CDK14: variants seen among roughly 807,000 people sequenced by gnomAD.
CDK14 encodes cyclin-dependent kinase 14.
A neutral mutation model predicts 60.7 loss-of-function variants in CDK14; 34 were observed. The observed-to-expected ratio is 0.56, with a 90% CI of 0.43 to 0.75. The LOEUF is 0.75. CDK14 is among the 30% of genes least tolerant of loss of function. The pLI is 0.00. For synonymous variants in CDK14, 197 were observed against 203.7 expected (o/e 0.97, Z 0.28); for missense variants, 482 against 564.1 (o/e 0.85, Z 1.47).
At chr7:91,044,315 A>C (rs1173404989) in intron 10 of CDK14, among the ~76,000 whole-genome samples, 1 of 152,226 alleles carries the variant, frequency 6.6e-6, no homozygotes, top group Non-Finnish European at 1.5e-5. Flanking sequence ...TATTACCTAA[A>C]GACCTGGAAT....
intron 14 of CDK14, among the ~76,000 whole-genome samples, chr7:91,137,905 T>C (rs1271436403): frequency 6.6e-6 from 1 of 152,154 alleles, no homozygotes; most frequent in Admixed American, 6.6e-5. Context: ...CTCCAGATAA[T>C]TGAGCTAATT....
chr7:90,798,801 C>T (rs575262112), intron 5 of CDK14, among the ~76,000 whole-genome samples: 32 of 152,230 alleles, frequency 2.1e-4, no homozygotes, highest in Admixed American at 1.3e-4. Flanking sequence ...CAAGTTCAGG[C>T]GCTTTGAAAC....
chr7:90,963,206 A>G (rs1416355027), intron 9 of CDK14, among the ~76,000 whole-genome samples: 1 of 151,414 alleles, frequency 6.6e-6, no homozygotes, highest in Non-Finnish European at 1.5e-5. Context: ...GGAGGATGGC[A>G]TGAGGCTAGG....
intron 10 of CDK14, among the ~76,000 whole-genome samples, chr7:91,003,420 C>T (rs896970184): frequency 1.3e-5 from 2 of 152,102 alleles, no homozygotes; most frequent in African/African-American, 4.8e-5. Flanking sequence ...TGTTAGCTAG[C>T]GTATTGGTTT....
chr7:90,903,103 T>C (rs988282768), intron 7 of CDK14, among the ~76,000 whole-genome samples: 3 of 152,114 alleles, frequency 2.0e-5, no homozygotes, highest in African/African-American at 7.2e-5. Flanking sequence ...TTACTGAAGA[T>C]GTGGAGAAAA....
At chr7:90,929,841 C>T (rs979940457) in intron 8 of CDK14, among the ~76,000 whole-genome samples, 1 of 152,132 alleles carries the variant, frequency 6.6e-6, no homozygotes, top group Non-Finnish European at 1.5e-5. Flanking sequence ...CATAATTACA[C>T]CTTAGTGTAT....
chr7:90,760,813 G>A (rs919879755), intron 4 of CDK14, among the ~76,000 whole-genome samples: 10 of 152,166 alleles, frequency 6.6e-5, no homozygotes, highest in African/African-American at 2.4e-4. Context: ...TCACAATATG[G>A]GATTTTCCGA....
intron 5 of CDK14, among the ~76,000 whole-genome samples, chr7:90,827,008 A>G (rs1197213670): frequency 2.0e-5 from 3 of 152,056 alleles, no homozygotes; most frequent in Non-Finnish European, 4.4e-5. Context: ...GCAGATATAT[A>G]ATATCTGCAT....
At chr7:90,637,440 C>T (rs1407372305) in intron 2 of CDK14, among the ~76,000 whole-genome samples, 53 of 151,786 alleles carry the variant, frequency 3.5e-4, no homozygotes, top group African/African-American at 1.0e-3. Flanking sequence ...TGTAGTTGAG[C>T]GGTTTTGAGT....
chr7:90,676,674 A>G (rs1034879262), intron 2 of CDK14, among the ~76,000 whole-genome samples: 2 of 151,934 alleles, frequency 1.3e-5, no homozygotes, highest in Non-Finnish European at 1.5e-5. Context: ...CTGGGATTAT[A>G]GGTGGATACT....
chr7:91,035,974 G>C (rs1334655357), intron 10 of CDK14, among the ~76,000 whole-genome samples: 1 of 151,814 alleles, frequency 6.6e-6, no homozygotes, highest in Non-Finnish European at 1.5e-5. Context: ...CTCCCGAGTA[G>C]CTGGGACTAC....
At chr7:91,147,172 A>G (rs62470814) in intron 14 of CDK14, among the ~76,000 whole-genome samples, 1 of 111,182 alleles carries the variant, frequency 9.0e-6, no homozygotes, top group African/African-American at 3.7e-5. Context: ...TCACACACAC[A>G]CACACACACA....
At chr7:90,998,496 A>T (rs1795748098) in intron 10 of CDK14, among the ~76,000 whole-genome samples, 1 of 152,212 alleles carries the variant, frequency 6.6e-6, no homozygotes, top group South Asian at 2.1e-4. Context: ...AAAAATATTT[A>T]TTCTCTGACA....
At chr7:90,827,790 A>T (rs1789777306) in intron 5 of CDK14, among the ~76,000 whole-genome samples, 1 of 152,216 alleles carries the variant, frequency 6.6e-6, no homozygotes, top group African/African-American at 2.4e-5. Context: ...TAAATTTAAT[A>T]TATTTGGTTC....
intron 6 of CDK14, among the ~76,000 whole-genome samples, chr7:90,888,054 T>C (rs1176949374): frequency 6.6e-6 from 1 of 152,122 alleles, no homozygotes; most frequent in East Asian, 1.9e-4. Context: ...AATTACTGTT[T>C]TGAAAATTAA....
chr7:91,133,207 T>A (rs980639663), intron 14 of CDK14, among the ~76,000 whole-genome samples: 1 of 152,126 alleles, frequency 6.6e-6, no homozygotes, highest in Admixed American at 6.6e-5. Flanking sequence ...CAAAAGTGTT[T>A]TTATGAATAA....
At chr7:90,680,965 A>G (rs747418054) in intron 2 of CDK14, among the ~76,000 whole-genome samples, 5 of 152,336 alleles carry the variant, frequency 3.3e-5, no homozygotes, top group Admixed American at 6.5e-5. Context: ...TTGGAAAATT[A>G]AAGTATTTTT....
chr7:90,705,673 G>A (rs1212353001), intron 2 of CDK14, among the ~76,000 whole-genome samples: 1 of 150,122 alleles, frequency 6.7e-6, no homozygotes, highest in Non-Finnish European at 1.5e-5. Context: ...ATACGGGGAT[G>A]GCTGAGGAAG....
At chr7:91,073,601 T>C (rs1798215411) in intron 11 of CDK14, among the ~76,000 whole-genome samples, 1 of 151,982 alleles carries the variant, frequency 6.6e-6, no homozygotes, top group Non-Finnish European at 1.5e-5. Context: ...TCAACTAGTG[T>C]GCAAAATAAC....
Sources: gnomAD v4.1 joint callset for allele counts (sites outside exome capture counted in the v4.1 genomes callset) on GRCh38, gnomAD v4.1.1 for gene constraint, MANE v1.5 for transcripts, NCBI Gene and HGNC (gene_info 2026-07-23, HGNC 2026-07-21) for gene names.